The following ZNF804B variants were observed in gnomAD, a reference collection of about 807,000 sequenced individuals.
ZNF804B encodes zinc finger protein 804B, also known as zinc finger 804B.
A neutral mutation model predicts 101.4 loss-of-function variants in ZNF804B; 80 were observed. That is an observed-to-expected ratio of 0.79 (90% CI 0.66 to 0.95). The LOEUF (loss-of-function observed/expected upper bound fraction) is 0.95. ZNF804B is among the 40% of genes least tolerant of loss of function. The pLI, the probability that ZNF804B is intolerant of heterozygous loss-of-function variation, is 0.00. For missense variants in ZNF804B, 1,673 were observed against 1,561.9 expected (o/e 1.07, Z -1.20); for synonymous variants, 622 against 558.8 (o/e 1.11, Z -1.59).
intron 2 of ZNF804B, among the ~76,000 whole-genome samples, chr7:89,309,141 C>T (rs1790612404): frequency 6.6e-6 from 1 of 152,108 alleles, no homozygotes; most frequent in South Asian, 2.1e-4. Context: ...GCCCCCTTCC[C>T]TTCCTTCCCC....
intron 2 of ZNF804B, among the ~76,000 whole-genome samples, 196 bp downstream of exon 2, chr7:89,218,491 C>A (rs1418764251): frequency 6.6e-6 from 1 of 152,066 alleles, no homozygotes; most frequent in East Asian, 1.9e-4. Context: ...TACTATAAAG[C>A]TGGAGGTAAA....
chr7:88,862,873 G>A (rs1045818738), intron 1 of ZNF804B, among the ~76,000 whole-genome samples: 2 of 151,980 alleles, frequency 1.3e-5, no homozygotes, highest in African/African-American at 2.4e-5. Context: ...TTCCACTCCT[G>A]TCTCACGCTG....
At chr7:89,272,235 G>A (rs1449367049) in intron 2 of ZNF804B, among the ~76,000 whole-genome samples, 1 of 151,866 alleles carries the variant, frequency 6.6e-6, no homozygotes, top group Non-Finnish European at 1.5e-5. Flanking sequence ...TAAGCCATAG[G>A]ACCAAGAAAG....
chr7:89,069,575 A>T (rs2116294795), intron 1 of ZNF804B, among the ~76,000 whole-genome samples: 1 of 152,308 alleles, frequency 6.6e-6, no homozygotes, highest in South Asian at 2.1e-4. Flanking sequence ...ATGATATACG[A>T]TAAGCATTTT....
chr7:88,814,469 C>T (rs1362632257), intron 1 of ZNF804B, among the ~76,000 whole-genome samples: 21 of 150,444 alleles, frequency 1.4e-4, no homozygotes, highest in African/African-American at 5.1e-4. Context: ...CACACACACA[C>T]ACACACACAC....
At chr7:88,840,090 G>T (rs902502512) in intron 1 of ZNF804B, among the ~76,000 whole-genome samples, 30 of 152,086 alleles carry the variant, frequency 2.0e-4, no homozygotes, top group African/African-American at 7.0e-4. Flanking sequence ...AATACAAATT[G>T]ATATCCATTG....
In ZNF804B at chr7:89,333,847, G is replaced by A; in HGVS notation, c.865G>A (p.Glu289Lys). The A allele has an allele frequency of 6.8e-7, 1 of 1,473,820 alleles. No homozygotes were observed. The highest frequency in any genetic ancestry group is 9.2e-7 in the Non-Finnish European group (1 of 1,090,456). 91.3% of individuals were successfully genotyped at this position (1,473,820 alleles called of 1,614,324 possible). ...KEVNISPSHL[E>K]SVLHNTISIN... ...GGTAAATATCTCACCAAGCCATCTG[G>A]AAAGTGTTTTACACAATACCATCTC... The change falls in exon 4 of 4, where the codon GAA becomes AAA. Residue 289 changes from glutamate (E) to lysine (K), a missense_variant. Coordinates refer to ENST00000333190, the MANE Select transcript of ZNF804B (RefSeq NM_181646.5).
At chr7:89,047,193 T>G (rs1242726384) in intron 1 of ZNF804B, among the ~76,000 whole-genome samples, 1 of 152,134 alleles carries the variant, frequency 6.6e-6, no homozygotes, top group Non-Finnish European at 1.5e-5. Context: ...ACATCGTCAT[T>G]GTAGTATTCT....
At chr7:88,845,301 G>GCGCGCA (rs1554339289) in intron 1 of ZNF804B, among the ~76,000 whole-genome samples, 1 of 149,920 alleles carries the variant, frequency 6.7e-6, no homozygotes. Flanking sequence ...GCACGCGCGC[G>GCGCGCA]CACACACACA....
intron 1 of ZNF804B, among the ~76,000 whole-genome samples, chr7:89,080,748 C>T (rs921741422): frequency 2.0e-5 from 3 of 151,890 alleles, no homozygotes; most frequent in South Asian, 2.1e-4. Flanking sequence ...GAGGTGACAT[C>T]GACCATGAAG....
At chr7:89,181,386 A>C (rs554494311) in intron 1 of ZNF804B, among the ~76,000 whole-genome samples, 1 of 152,142 alleles carries the variant, frequency 6.6e-6, no homozygotes, top group Non-Finnish European at 1.5e-5. Flanking sequence ...GGGATGGACA[A>C]TTCCTCTCTG....
At chr7:89,117,781 A>C (rs1790332847) in intron 1 of ZNF804B, among the ~76,000 whole-genome samples, 1 of 152,182 alleles carries the variant, frequency 6.6e-6, no homozygotes, top group African/African-American at 2.4e-5. Context: ...GCTTGTAATC[A>C]TGTTGCTTTA....
Position 89,075,452 on chromosome 7 carries a change from G to T in ZNF804B, c.109-142703G>T, listed in dbSNP as rs192353411. Reference sequence around the variant, plus strand: ...CAGAGGGTGCAAGCCTCAAGCCTTGGCAGCTTCCATGTGGTGTTGAGCCTG... The same window carrying T: ...CAGAGGGTGCAAGCCTCAAGCCTTGTCAGCTTCCATGTGGTGTTGAGCCTG... On this transcript the variant is annotated intron_variant, in intron 1 of 3. Transcript: ENST00000333190. Among the ~76,000 whole-genome samples, 14 of 152,316 alleles carry T rather than the reference G, an allele frequency of 9.2e-5. No individual in the cohort carries two copies. In the East Asian group the frequency reaches 1.6e-3, roughly 17 times the overall value.
At chr7:89,226,009 A>G (rs138645207) in intron 2 of ZNF804B, among the ~76,000 whole-genome samples, 1 of 152,274 alleles carries the variant, frequency 6.6e-6, no homozygotes, top group African/African-American at 2.4e-5. Context: ...GATAGATTCT[A>G]AAAATTGTCA....
At chr7:88,877,034 TATATATATATA>T (rs1791958655) in intron 1 of ZNF804B, among the ~76,000 whole-genome samples, 3 of 45,566 alleles carry the variant, frequency 6.6e-5, no homozygotes, top group African/African-American at 3.2e-4. Flanking sequence ...ATAATATATA[TATATATATATA>T]TATATTTTTT....
At chr7:88,778,419 A>G (rs1790178460) in intron 1 of ZNF804B, among the ~76,000 whole-genome samples, 1 of 152,222 alleles carries the variant, frequency 6.6e-6, no homozygotes, top group African/African-American at 2.4e-5. Flanking sequence ...GACAGCACTC[A>G]CAGGTCCTGA....
intron 2 of ZNF804B, among the ~76,000 whole-genome samples, chr7:89,291,910 A>G (rs1163050180): frequency 2.0e-5 from 3 of 152,188 alleles, no homozygotes; most frequent in African/African-American, 2.4e-5. Flanking sequence ...GTAACATACA[A>G]TGGAGTTCTA....
intron 1 of ZNF804B, among the ~76,000 whole-genome samples, chr7:88,968,576 C>A (rs759679022): frequency 4.6e-5 from 7 of 151,478 alleles, no homozygotes; most frequent in Non-Finnish European, 8.9e-5. Context: ...TTGAACACTG[C>A]CTGAAACTGA....
chr7:89,013,903 C>T (rs1788500525), intron 1 of ZNF804B, among the ~76,000 whole-genome samples: 1 of 152,162 alleles, frequency 6.6e-6, no homozygotes, highest in African/African-American at 2.4e-5. Flanking sequence ...TTTTATTTAA[C>T]AACCGCAGGG....
Sources: gnomAD v4.1 joint callset for allele counts (sites outside exome capture counted in the v4.1 genomes callset) on GRCh38, gnomAD v4.1.1 for gene constraint, MANE v1.5 for transcripts, NCBI Gene and HGNC (gene_info 2026-07-23, HGNC 2026-07-21) for gene names.